The following ERBB4 variants were observed in gnomAD, a reference collection of about 807,000 sequenced individuals.
ERBB4 encodes the protein erb-b2 receptor tyrosine kinase 4, also known as receptor tyrosine-protein kinase erbB-4.
A neutral mutation model predicts 158.0 loss-of-function variants in ERBB4; 42 were observed. The observed-to-expected ratio is 0.27, with a 90% CI of 0.21 to 0.34. The LOEUF (loss-of-function observed/expected upper bound fraction) is 0.34. Ranked by LOEUF, ERBB4 falls within the 10% of genes least tolerant of loss-of-function variation. The probability of loss-of-function intolerance (pLI) is 1.00; values close to 1 mark genes in which losing one functional copy is unlikely to be tolerated. For missense variants in ERBB4, 1,333 were observed against 1,624.1 expected (o/e 0.82, Z 3.08); for synonymous variants, 583 against 558.7 (o/e 1.04, Z -0.61).
rs180983543 is a variant in ERBB4, at chr2:211,987,922, C to T, written c.235-40306G>A. Among the ~76,000 whole-genome samples, 7 of 152,202 alleles carry T rather than the reference C, an allele frequency of 4.6e-5. No homozygotes were observed. In the South Asian group the frequency reaches 1.0e-3, roughly 23 times the overall value. On this transcript the variant is annotated intron_variant, in intron 2 of 27. Transcript: ENST00000342788. ...AAAGTAATTTATACAGTTCAGAACTCGCCACTAAAGTTCAACATTTCTAAG... is the reference window on the plus strand; with the variant it reads ...AAAGTAATTTATACAGTTCAGAACTTGCCACTAAAGTTCAACATTTCTAAG...
At chr2:211,544,994 T>C (rs1255972836) in intron 20 of ERBB4, among the ~76,000 whole-genome samples, 2 of 152,018 alleles carry the variant, frequency 1.3e-5, no homozygotes, top group African/African-American at 4.8e-5. Flanking sequence ...CTAGAAGGAA[T>C]TCATGAAATT....
intron 20 of ERBB4, among the ~76,000 whole-genome samples, chr2:211,536,455 C>T (rs116148927): frequency 1.3e-3 from 193 of 152,144 alleles, no homozygotes; most frequent in African/African-American, 4.5e-3. Context: ...GGCAGGTCTT[C>T]AGACATTACA....
intron 1 of ERBB4, among the ~76,000 whole-genome samples, chr2:212,177,277 T>C (rs2081698917): frequency 6.6e-6 from 1 of 151,848 alleles, no homozygotes; most frequent in Admixed American, 6.6e-5. Flanking sequence ...TTTTTTAAAA[T>C]TTGCAATATT....
intron 4 of ERBB4, among the ~76,000 whole-genome samples, chr2:211,784,222 T>G (rs1050089070): frequency 6.6e-6 from 1 of 152,230 alleles, no homozygotes; most frequent in African/African-American, 2.4e-5. Flanking sequence ...CTTGAGCAAT[T>G]GCAACTTGAC....
At chr2:212,289,530 A>C (rs1009854714) in intron 1 of ERBB4, among the ~76,000 whole-genome samples, 2 of 152,160 alleles carry the variant, frequency 1.3e-5, no homozygotes, top group African/African-American at 2.4e-5. Context: ...ACTTTTATTT[A>C]CTGTGTTTCT....
chr2:211,685,488 C>T (rs1476829211), intron 12 of ERBB4, among the ~76,000 whole-genome samples: 3 of 152,066 alleles, frequency 2.0e-5, no homozygotes, highest in Non-Finnish European at 4.4e-5. Flanking sequence ...GTGTATTATC[C>T]TCTACCAATA....
intron 4 of ERBB4, among the ~76,000 whole-genome samples, chr2:211,767,451 A>C (rs562941549): frequency 9.2e-5 from 14 of 152,202 alleles, no homozygotes; most frequent in Non-Finnish European, 1.8e-4. Flanking sequence ...CTCAATATAT[A>C]ATTTTATTTA....
At chr2:212,516,768 T>C (rs1217036920) in intron 1 of ERBB4, among the ~76,000 whole-genome samples, 1 of 152,132 alleles carries the variant, frequency 6.6e-6, no homozygotes, top group Non-Finnish European at 1.5e-5. Context: ...TGACGTCCCA[T>C]ATAGATTCAA....
At chr2:211,589,217 G>A (rs1439976760) in intron 19 of ERBB4, among the ~76,000 whole-genome samples, 18 of 152,012 alleles carry the variant, frequency 1.2e-4, no homozygotes, top group Non-Finnish European at 2.9e-5. Context: ...TTTTTAGATT[G>A]TAAAATGTAA....
chr2:211,441,724 C>A (rs1001236758), intron 20 of ERBB4, among the ~76,000 whole-genome samples: 4 of 152,144 alleles, frequency 2.6e-5, no homozygotes, highest in African/African-American at 9.7e-5. Context: ...ATCCTCCTTA[C>A]CATGTCAGTG....
At chr2:211,949,936 G>A (rs1057481584) in intron 2 of ERBB4, among the ~76,000 whole-genome samples, 1 of 151,982 alleles carries the variant, frequency 6.6e-6, no homozygotes, top group Non-Finnish European at 1.5e-5. Context: ...CTTTTTCCCA[G>A]AATATAGCCC....
intron 15 of ERBB4, chr2:211,658,074 T>G: frequency 9.9e-7 from 1 of 1,009,724 alleles, no homozygotes. Context: ...ATATTGATTG[T>G]CTCGAATTCT....
intron 1 of ERBB4, among the ~76,000 whole-genome samples, chr2:212,144,018 CAAA>C (rs58331172): frequency 4.4e-5 from 5 of 114,482 alleles, no homozygotes; most frequent in South Asian, 2.8e-4. Flanking sequence ...GACTTCATCT[CAAA>C]AAAAAAAAAA....
chr2:211,701,786 A>T (rs1309634546), intron 12 of ERBB4, among the ~76,000 whole-genome samples, 181 bp downstream of exon 12: 3 of 146,338 alleles, frequency 2.1e-5, no homozygotes, highest in African/African-American at 2.6e-5. Flanking sequence ...AAAAAAAAAG[A>T]AAGTCACTTA....
At chr2:211,804,063 G>A (rs932400319) in intron 3 of ERBB4, among the ~76,000 whole-genome samples, 4 of 152,104 alleles carry the variant, frequency 2.6e-5, no homozygotes, top group Admixed American at 1.3e-4. Context: ...CTGCAGACAT[G>A]TCACCCCAGA....
chr2:211,970,868 CT>C (rs2081433865), intron 2 of ERBB4, among the ~76,000 whole-genome samples: 1 of 152,212 alleles, frequency 6.6e-6, no homozygotes, highest in Admixed American at 6.5e-5. Context: ...GGCATTTAGC[CT>C]ATTTACATTT....
chr2:212,085,337 T>C (rs560904287), intron 2 of ERBB4, among the ~76,000 whole-genome samples: 2 of 152,072 alleles, frequency 1.3e-5, no homozygotes, highest in East Asian at 3.9e-4. Flanking sequence ...CCTACATGTG[T>C]ATTATTTTGT....
chr2:212,507,087 A>C (rs189885941), intron 1 of ERBB4, among the ~76,000 whole-genome samples: 69 of 152,254 alleles, frequency 4.5e-4, no homozygotes, highest in African/African-American at 1.6e-3. Context: ...CTTAATAATT[A>C]TCCTAAATCT....
In ERBB4 at chr2:212,345,265, C is replaced by CAAAAAAAAAAAAAAAAAAAAA. The variant is rs367985477; in HGVS notation, c.82+193183_82+193184insTTTTTTTTTTTTTTTTTTTTT. Among the ~76,000 whole-genome samples, 261 of 77,684 alleles carry CAAAAAAAAAAAAAAAAAAAAA rather than the reference C, an allele frequency of 3.4e-3. 54 individuals carry two copies. Among genetic ancestry groups the CAAAAAAAAAAAAAAAAAAAAA allele is most frequent in the South Asian group, 7.4e-3 (19 of 2,584 alleles). 51.0% of individuals were successfully genotyped at this position (77,684 alleles called of 152,430 possible). A position where few individuals can be genotyped will look rare whatever the true frequency, so the allele number is the denominator to read the frequency against. ...TGGGGGACAGAGCAAGACTCCGTCTCAAAAAAAAAAAAGCACTAAACACAT... is the reference window on the plus strand; with the variant it reads ...TGGGGGACAGAGCAAGACTCCGTCTCAAAAAAAAAAAAAAAAAAAAAAAAAAAAAAAAAGCACTAAACACAT... On this transcript the variant is annotated intron_variant, in intron 1 of 27. Transcript: ENST00000342788.
Sources: allele counts gnomAD v4.1 joint callset (sites outside exome capture counted in the v4.1 genomes callset), GRCh38; gene constraint gnomAD v4.1.1; transcripts MANE v1.5; gene names NCBI Gene and HGNC (gene_info 2026-07-23, HGNC 2026-07-21).